The following MTUS2 variants were observed in gnomAD, a reference collection of about 807,000 sequenced individuals.
The protein encoded by MTUS2 is microtubule-associated tumor suppressor candidate 2.
Under a neutral mutation model 114.1 loss-of-function variants are expected in MTUS2, and 40 were observed. The observed-to-expected ratio is 0.35, with a 90% CI of 0.27 to 0.46. The LOEUF is 0.46. MTUS2 is among the 20% of genes least tolerant of loss of function. MTUS2 has a pLI of 1.00. For missense variants in MTUS2, 1,679 were observed against 1,705.4 expected, an observed-to-expected ratio of 0.98 and a Z score of 0.27; for synonymous variants, 688 against 672.0, an observed-to-expected ratio of 1.02 and a Z score of -0.37.
intron 5 of MTUS2, among the ~76,000 whole-genome samples, chr13:29,234,042 G>C (rs1422313948): frequency 6.6e-6 from 1 of 152,158 alleles, no homozygotes; most frequent in Non-Finnish European, 1.5e-5. Flanking sequence ...TTCAGGTCAA[G>C]AGTCAGTCAT....
Position 29,227,911 on chromosome 13 carries a change from T to C in MTUS2, c.2645-53793T>C, listed in dbSNP as rs145660252. ...GTCTTATATGTCTTCCAAACAATTATGTAACTTTTGTATTCTATTCCAAAA... is the reference window on the plus strand; with the variant it reads ...GTCTTATATGTCTTCCAAACAATTACGTAACTTTTGTATTCTATTCCAAAA... On this transcript the variant is annotated intron_variant, in intron 5 of 15. Transcript: ENST00000612955. Among the ~76,000 whole-genome samples the C allele has an allele frequency of 2.4e-4, 36 of 152,370 alleles. 1 individual carries two copies. In the East Asian group the frequency reaches 3.3e-3, roughly 14 times the overall value.
At chr13:29,080,880 T>C (rs937553852) in intron 4 of MTUS2, among the ~76,000 whole-genome samples, 5 of 152,026 alleles carry the variant, frequency 3.3e-5, no homozygotes, top group African/African-American at 1.2e-4. Flanking sequence ...TGCCCACCAC[T>C]ATGCCTAGCT....
intron 2 of MTUS2, among the ~76,000 whole-genome samples, chr13:28,880,723 C>T (rs1232397059): frequency 6.6e-6 from 1 of 152,082 alleles, no homozygotes; most frequent in African/African-American, 2.4e-5. Flanking sequence ...ATATTATTTT[C>T]CTTTTATTAA....
chr13:29,307,012 G>C, intron 6 of MTUS2: 1 of 533,990 alleles, frequency 1.9e-6, no homozygotes. Flanking sequence ...CATCTTCCAG[G>C]AGCGAGATCC....
At chr13:29,458,538 T>G (rs1879271266) in intron 9 of MTUS2, among the ~76,000 whole-genome samples, 2 of 152,170 alleles carry the variant, frequency 1.3e-5, no homozygotes, top group Admixed American at 6.5e-5. Flanking sequence ...TTGTCCTAGA[T>G]GCTGTCTTAG....
chr13:28,880,045 C>T (rs925237909), intron 2 of MTUS2, among the ~76,000 whole-genome samples: 3 of 152,210 alleles, frequency 2.0e-5, no homozygotes, highest in Non-Finnish European at 4.4e-5. Context: ...ATACTCCATT[C>T]ACCATTTCAT....
At chr13:29,483,430 A>G (rs7330699) in intron 10 of MTUS2, among the ~76,000 whole-genome samples, 4,102 of 152,274 alleles carry the variant, frequency 0.027, 124 homozygotes, top group African/African-American at 0.071. Context: ...TGCCCACGGC[A>G]TGTGCTCCGG....
chr13:29,014,458 A>G (rs972755756), intron 2 of MTUS2, among the ~76,000 whole-genome samples: 3 of 152,254 alleles, frequency 2.0e-5, no homozygotes, highest in African/African-American at 7.2e-5. Flanking sequence ...TGCATGGAGT[A>G]CTAGCCTGGT....
chr13:29,360,689 C>G (rs1870153857), intron 8 of MTUS2, among the ~76,000 whole-genome samples: 1 of 3,144 alleles, frequency 3.2e-4, no homozygotes, highest in African/African-American at 4.6e-4. Flanking sequence ...TAGCCGAACA[C>G]CCCCCCCCCC....
intron 5 of MTUS2, among the ~76,000 whole-genome samples, chr13:29,157,343 C>G (rs963513862): frequency 2.0e-5 from 3 of 152,056 alleles, no homozygotes; most frequent in Admixed American, 2.0e-4. Context: ...TGTAAGAGTC[C>G]CCAATTCTCC....
chr13:28,846,606 G>A (rs913626186), intron 2 of MTUS2, among the ~76,000 whole-genome samples: 1 of 152,170 alleles, frequency 6.6e-6, no homozygotes, highest in Non-Finnish European at 1.5e-5. Flanking sequence ...TTAATAGACT[G>A]CTTGTCAGAA....
chr13:29,128,030 G>A (rs897893966), intron 5 of MTUS2, among the ~76,000 whole-genome samples: 2 of 152,184 alleles, frequency 1.3e-5, no homozygotes, highest in Non-Finnish European at 2.9e-5. Context: ...ATGGAGGTGC[G>A]TACAGAGGAA....
chr13:29,075,816 T>A (rs1184189304), intron 4 of MTUS2, among the ~76,000 whole-genome samples: 1 of 152,222 alleles, frequency 6.6e-6, no homozygotes, highest in East Asian at 1.9e-4. Flanking sequence ...TGCCTAGAAG[T>A]CATTTCTTAA....
intron 4 of MTUS2, among the ~76,000 whole-genome samples, chr13:29,074,751 C>T (rs1889107235): frequency 6.6e-6 from 1 of 152,242 alleles, no homozygotes; most frequent in Non-Finnish European, 1.5e-5. Context: ...GATCTTACTT[C>T]TTTATTTTCC....
chr13:29,024,940 T>C lies in MTUS2; in HGVS notation c.242T>C (p.Leu81Pro). ...CATTTCCATAAGGAATTTCACCAAC[T>C]TCAGGGCTTTGGGAAAGGCTCTCAG... is the stretch of plus-strand genomic sequence containing the variant. ...RTHFHKEFHQLQGFGKGSQAG... is the reference protein window; with the variant it reads ...RTHFHKEFHQPQGFGKGSQAG... Residue 81 changes from leucine (L) to proline (P), a missense_variant, in exon 3 of 16, where the codon CTT becomes CCT. Leu to Pro is a moderately conservative substitution (Grantham distance 98). This residue lies in a region of MTUS2 where 843 missense variants were observed against 770.8 expected (regional missense o/e 1.09). Coordinates refer to ENST00000612955, the MANE Select transcript of MTUS2 (RefSeq NM_001033602.4). 4.3e-6 allele frequency: 7 copies of C among 1,613,738 alleles called. No homozygotes were observed. Among genetic ancestry groups the C allele is most frequent in the Non-Finnish European group, 5.9e-6 (7 of 1,179,816 alleles).
intron 6 of MTUS2, among the ~76,000 whole-genome samples, chr13:29,304,475 A>G (rs189000984): frequency 6.6e-6 from 1 of 152,322 alleles, no homozygotes. Flanking sequence ...AAAGAAAAAG[A>G]GCAGAGGTGG....
chr13:29,487,556 G>A (rs1881714892), intron 10 of MTUS2: 2 of 263,082 alleles, frequency 7.6e-6, no homozygotes, highest in Non-Finnish European at 1.5e-5. Context: ...TAGGGAGGAC[G>A]CTTTTCTTTT....
chr13:29,413,438 G>A (rs1875416430), intron 8 of MTUS2, among the ~76,000 whole-genome samples: 1 of 142,976 alleles, frequency 7.0e-6, no homozygotes, highest in African/African-American at 2.6e-5. Context: ...GGCAACAAAA[G>A]CCAAAATTGA....
Position 29,389,489 on chromosome 13 carries a change from ATG to A in MTUS2, c.3117+30020_3117+30021del, listed in dbSNP as rs1170555483. Among the ~76,000 whole-genome samples, 19 of 114,036 alleles carry A rather than the reference ATG, an allele frequency of 1.7e-4. 2 individuals are homozygous for A. Among genetic ancestry groups the A allele is most frequent in the South Asian group, 2.9e-4 (1 of 3,494 alleles). The allele number at this position is 114,036 out of a possible 152,430, so 74.8% of individuals were successfully genotyped here. ...TGTGTATATGTATACACGTGTGTGT[ATG>A]TGTATATATGTATACACGTGTGTGT... On this transcript the variant is annotated intron_variant, in intron 8 of 15. Transcript: ENST00000612955.
Sources: allele counts gnomAD v4.1 joint callset (sites outside exome capture counted in the v4.1 genomes callset), GRCh38; gene constraint gnomAD v4.1.1; regional missense constraint gnomAD v4.1.1; transcripts MANE v1.5; gene names NCBI Gene and HGNC (gene_info 2026-07-23, HGNC 2026-07-21).